The following ALKAL1 variants were observed in gnomAD, a reference collection of about 807,000 sequenced individuals.
ALKAL1 encodes AUG-beta.
In ALKAL1, 23 loss-of-function variants were observed where a neutral mutation model predicts 13.5. That is an observed-to-expected ratio of 1.70 (90% CI 1.23 to 2.41). ALKAL1 has a LOEUF of 2.41. ALKAL1 is among the 30% of genes most tolerant of loss of function. The pLI is 0.00. For synonymous variants in ALKAL1, 85 were observed against 77.7 expected (o/e 1.09, Z -0.49); for missense variants, 181 against 178.4 (o/e 1.01, Z -0.08).
At position 52,542,448 on chromosome 8, in the gene ALKAL1, G is replaced by GA; in HGVS notation, c.191-4dup. On this transcript the variant is annotated splice_region_variant and splice_polypyrimidine_tract_variant and intron_variant, in intron 1 of 4. Transcript: ENST00000358543. ...GTTAGAGTCTCTTGGGAATATTTCT[G>GA]AAAAGAAAAAAAAAACCATCAGAAT... 1.3e-6 allele frequency: 2 copies of GA among 1,493,126 alleles called. No homozygotes were observed. Among genetic ancestry groups the GA allele is most frequent in the Non-Finnish European group, 1.8e-6 (2 of 1,090,022 alleles). 92.5% of individuals were successfully genotyped at this position (1,493,126 alleles called of 1,614,324 possible). A position where few individuals can be genotyped will look rare whatever the true frequency, so the allele number is the denominator to read the frequency against.
At chr8:52,548,590 A>T (rs1473025312) in intron 1 of ALKAL1, among the ~76,000 whole-genome samples, 1 of 152,180 alleles carries the variant, frequency 6.6e-6, no homozygotes, top group East Asian at 1.9e-4. Flanking sequence ...TATATATTGA[A>T]ACATCACTAT....
chr8:52,555,422 A>G (rs558581047), intron 1 of ALKAL1, among the ~76,000 whole-genome samples: 98 of 152,192 alleles, frequency 6.4e-4, no homozygotes, highest in Non-Finnish European at 1.1e-3. Flanking sequence ...TCCTAGAGAG[A>G]GTAAACTCAC....
At chr8:52,548,332 C>A (rs551876227) in intron 1 of ALKAL1, among the ~76,000 whole-genome samples, 2 of 150,394 alleles carry the variant, frequency 1.3e-5, no homozygotes, top group South Asian at 4.2e-4. Context: ...GCGACAAGAG[C>A]GAGACTCCGT....
chr8:52,560,945 C>T (rs949343515), intron 1 of ALKAL1, among the ~76,000 whole-genome samples: 1 of 152,086 alleles, frequency 6.6e-6, no homozygotes, highest in African/African-American at 2.4e-5. Context: ...CTGCAAATAA[C>T]ATAATAAAAA....
At chr8:52,562,637 A>C (rs1847562172) in intron 1 of ALKAL1, among the ~76,000 whole-genome samples, 1 of 152,138 alleles carries the variant, frequency 6.6e-6, no homozygotes, top group Non-Finnish European at 1.5e-5. Flanking sequence ...ATCTGCATTT[A>C]GGGAAGTTGC....
At chr8:52,539,792 G>T in intron 3 of ALKAL1, 39 bp downstream of exon 3, 1 of 1,340,546 alleles carries the variant, frequency 7.5e-7, no homozygotes, top group Non-Finnish European at 1.0e-6. Context: ...ATTTATTGTT[G>T]GATAATTAAA....
intron 1 of ALKAL1, among the ~76,000 whole-genome samples, chr8:52,546,372 C>T (rs773743842): frequency 6.6e-6 from 1 of 152,194 alleles, no homozygotes; most frequent in East Asian, 1.9e-4. Context: ...CTGTAGAAAG[C>T]AGAAAAGTTC....
At chr8:52,562,016 G>A (rs926023568) in intron 1 of ALKAL1, among the ~76,000 whole-genome samples, 8 of 152,102 alleles carry the variant, frequency 5.3e-5, no homozygotes, top group Non-Finnish European at 1.0e-4. Flanking sequence ...CCTATTCTCA[G>A]CCTTCTGATT....
intron 1 of ALKAL1, among the ~76,000 whole-genome samples, chr8:52,545,986 C>A (rs1391345772): frequency 6.6e-6 from 1 of 152,202 alleles, no homozygotes; most frequent in Non-Finnish European, 1.5e-5. Flanking sequence ...TGCTCCTAGG[C>A]TACAAAACCT....
intron 1 of ALKAL1, among the ~76,000 whole-genome samples, chr8:52,546,153 G>A (rs771469247): frequency 6.6e-6 from 1 of 152,220 alleles, no homozygotes; most frequent in Non-Finnish European, 1.5e-5. Flanking sequence ...ACGTCCTTTT[G>A]TGGCACGTGA....
intron 1 of ALKAL1, among the ~76,000 whole-genome samples, chr8:52,556,159 T>C (rs1847479237): frequency 6.6e-6 from 1 of 152,246 alleles, no homozygotes; most frequent in African/African-American, 2.4e-5. Context: ...TGAAATTCTT[T>C]ATGCAGCAAG....
At chr8:52,553,433 A>ATTT (rs1345046925) in intron 1 of ALKAL1, among the ~76,000 whole-genome samples, 1 of 152,224 alleles carries the variant, frequency 6.6e-6, no homozygotes, top group East Asian at 1.9e-4. Flanking sequence ...ATCTGACTTC[A>ATTT]AACACATAGT....
intron 1 of ALKAL1, among the ~76,000 whole-genome samples, chr8:52,550,102 C>T (rs987384039): frequency 6.6e-6 from 1 of 152,070 alleles, no homozygotes; most frequent in Non-Finnish European, 1.5e-5. Context: ...TTATATCATG[C>T]TTCTTCTATT....
At chr8:52,562,971 G>A (rs201950647) in intron 1 of ALKAL1, among the ~76,000 whole-genome samples, 1 of 152,170 alleles carries the variant, frequency 6.6e-6, no homozygotes, top group East Asian at 1.9e-4. Flanking sequence ...ACTCAGATAC[G>A]GATGTCATGA....
chr8:52,544,767 A>C (rs942011778), intron 1 of ALKAL1, among the ~76,000 whole-genome samples: 1 of 152,198 alleles, frequency 6.6e-6, no homozygotes, highest in Admixed American at 6.5e-5. Flanking sequence ...ACCAAAAAAA[A>C]AGGGCAACTG....
At chr8:52,551,162 T>C (rs911821601) in intron 1 of ALKAL1, among the ~76,000 whole-genome samples, 2 of 152,178 alleles carry the variant, frequency 1.3e-5, no homozygotes, top group East Asian at 3.8e-4. Flanking sequence ...ATAAATATAT[T>C]CTGTAATGTG....
intron 1 of ALKAL1, among the ~76,000 whole-genome samples, chr8:52,558,597 A>C (rs1847508151): frequency 6.6e-6 from 1 of 151,950 alleles, no homozygotes; most frequent in Admixed American, 6.6e-5. Flanking sequence ...GCTTTCCTGC[A>C]GCCCAGTCTT....
Position 52,565,352 on chromosome 8 carries a change from G to A in ALKAL1, c.-96C>T. ...CCAAGAGAAGGCCAGCGGGACCACA[G>A]CGCGGCTACGCGGCCGGCCGCAGTC... On this transcript the variant is annotated 5_prime_UTR_variant, in exon 1 of 5. Coordinates refer to ENST00000358543, the MANE Select transcript of ALKAL1 (RefSeq NM_207413.4). 9.9e-7 allele frequency: 1 copy of A among 1,010,584 alleles called. No individual in the cohort carries two copies. The highest frequency in any genetic ancestry group is 1.3e-6 in the Non-Finnish European group (1 of 772,512). 62.6% of individuals were successfully genotyped at this position (1,010,584 alleles called of 1,614,324 possible). A position where few individuals can be genotyped will look rare whatever the true frequency, so the allele number is the denominator to read the frequency against.
chr8:52,542,062 C>T (rs1847318865), intron 2 of ALKAL1, among the ~76,000 whole-genome samples: 1 of 152,176 alleles, frequency 6.6e-6, no homozygotes, highest in Admixed American at 6.5e-5. Flanking sequence ...TGCACTCCTT[C>T]TGAACAGAAG....
Sources: gnomAD v4.1 joint callset for allele counts (sites outside exome capture counted in the v4.1 genomes callset) on GRCh38, gnomAD v4.1.1 for gene constraint, MANE v1.5 for transcripts, NCBI Gene and HGNC (gene_info 2026-07-23, HGNC 2026-07-21) for gene names.